The following NALCN variants were observed in gnomAD, a reference collection of about 807,000 sequenced individuals.
NALCN encodes sodium leak channel, non-selective, also known as sodium leak channel NALCN.
Under a neutral mutation model 225.3 loss-of-function variants are expected in NALCN, and 111 were observed. That is an observed-to-expected ratio of 0.49 (90% confidence interval 0.42 to 0.58). The LOEUF is 0.58. Ranked by LOEUF, NALCN falls within the 20% of genes least tolerant of loss-of-function variation. The probability of loss-of-function intolerance (pLI) is 0.00; values close to 1 mark genes in which losing one functional copy is unlikely to be tolerated. For synonymous variants in NALCN, 764 were observed against 769.0 expected (o/e 0.99, Z 0.11); for missense variants, 1,378 against 2,202.4 (o/e 0.63, Z 7.49).
intron 13 of NALCN, among the ~76,000 whole-genome samples, chr13:101,218,212 A>T (rs1456643597): frequency 6.6e-6 from 1 of 152,144 alleles, no homozygotes; most frequent in African/African-American, 2.4e-5. Context: ...GGAAGCCTGG[A>T]AATGTCACAT....
chr13:101,218,783 G>GT (rs1418413574), intron 13 of NALCN, among the ~76,000 whole-genome samples: 1 of 152,034 alleles, frequency 6.6e-6, no homozygotes, highest in Non-Finnish European at 1.5e-5. Flanking sequence ...TGCTGTGATT[G>GT]TAAGTTTCTT....
At chr13:101,071,421 TAG>T (rs955953291) in intron 37 of NALCN, among the ~76,000 whole-genome samples, 1 of 152,252 alleles carries the variant, frequency 6.6e-6, no homozygotes, top group Non-Finnish European at 1.5e-5. Context: ...CTAGATCTTC[TAG>T]ATAACTTGCC....
chr13:101,283,966 G>C lies in NALCN; in HGVS notation c.1101C>G (p.Asn367Lys). 6.2e-7 allele frequency: 1 copy of C among 1,613,720 alleles called. No homozygotes were observed. Among genetic ancestry groups the C allele is most frequent in the Non-Finnish European group, 8.5e-7 (1 of 1,179,898 alleles). The change falls in exon 10 of 44, where the codon AAC becomes AAG. Residue 367 changes from asparagine to lysine, a missense_variant. Asn to Lys is a moderately conservative substitution (Grantham distance 94). Transcript: ENST00000251127. ...AGGCTGGGGCGCGTCCCTGGGGCTT[G>C]TTGACATCCACAGCTACCAGCTGCC... ...GGWQLVAVDVNKPQGRAPACL... is the reference protein window; with the variant it reads ...GGWQLVAVDVKKPQGRAPACL...
chr13:101,278,600 C>T (rs2043042811), intron 10 of NALCN, among the ~76,000 whole-genome samples: 1 of 145,400 alleles, frequency 6.9e-6, no homozygotes, highest in Admixed American at 6.9e-5. Flanking sequence ...TATTTCTAAA[C>T]ATAAGACAAA....
At chr13:101,161,701 GTC>G (rs888098528) in intron 15 of NALCN, among the ~76,000 whole-genome samples, 1 of 152,086 alleles carries the variant, frequency 6.6e-6, no homozygotes, top group Non-Finnish European at 1.5e-5. Flanking sequence ...GTGAAACCCC[GTC>G]TCTTCTAAAA....
At chr13:101,319,596 T>TA (rs1341281035) in intron 7 of NALCN, among the ~76,000 whole-genome samples, 3 of 152,214 alleles carry the variant, frequency 2.0e-5, no homozygotes, top group African/African-American at 4.8e-5. Context: ...TTTTGGTACA[T>TA]ACGTTCCCAT....
intron 34 of NALCN, among the ~76,000 whole-genome samples, chr13:101,080,083 T>G (rs1467103302): frequency 6.6e-6 from 1 of 152,172 alleles, no homozygotes; most frequent in Non-Finnish European, 1.5e-5. Context: ...GCCTCAAATA[T>G]ATTATCTCAC....
chr13:101,152,067 T>A (rs1177207342), intron 15 of NALCN, among the ~76,000 whole-genome samples: 1 of 152,192 alleles, frequency 6.6e-6, no homozygotes, highest in African/African-American at 2.4e-5. Flanking sequence ...TTTACAAAAA[T>A]ATTTAATACA....
At position 101,135,193 on chromosome 13, in the gene NALCN, T is replaced by TCAAA. The variant is rs529602596; in HGVS notation, c.2118+7883_2118+7886dup. 1.7e-3 allele frequency among the ~76,000 whole-genome samples: 266 copies of TCAAA among 152,310 alleles called. 4 individuals are homozygous for TCAAA. The highest frequency in any genetic ancestry group is 8.7e-3 in the South Asian group (42 of 4,830). On this transcript the variant is annotated intron_variant, in intron 17 of 43. Transcript: ENST00000251127. ...CTGGGTGACAGAGCGAGACTCCGTC[T>TCAAA]CAAACAAACAAACAAACAAAACTAT...
At chr13:101,142,138 C>CTTTTTTTTTTTTTTTTTTT (rs33925974) in intron 17 of NALCN, among the ~76,000 whole-genome samples, 1 of 97,026 alleles carries the variant, frequency 1.0e-5, no homozygotes, top group Non-Finnish European at 1.9e-5. Flanking sequence ...CATTCTATGT[C>CTTTTTTTTTTTTTTTTTTT]TTTTTTTTTT....
At chr13:101,283,696 A>G (rs2139006667) in intron 10 of NALCN, among the ~76,000 whole-genome samples, 1 of 152,212 alleles carries the variant, frequency 6.6e-6, no homozygotes, top group South Asian at 2.1e-4. Flanking sequence ...TTGATTCAAT[A>G]CCACTGAAAT....
chr13:101,246,105 T>C (rs2041887497), intron 11 of NALCN, among the ~76,000 whole-genome samples: 1 of 152,158 alleles, frequency 6.6e-6, no homozygotes, highest in Non-Finnish European at 1.5e-5. Flanking sequence ...CTTTCTTTCC[T>C]TGCTTTGCTG....
chr13:101,154,250 A>T (rs2037795106), intron 15 of NALCN, among the ~76,000 whole-genome samples: 1 of 152,334 alleles, frequency 6.6e-6, no homozygotes, highest in Non-Finnish European at 1.5e-5. Flanking sequence ...CATAGCTAGA[A>T]GTGGCAGAAC....
intron 28 of NALCN, among the ~76,000 whole-genome samples, chr13:101,093,346 T>C (rs2034334101): frequency 6.6e-6 from 1 of 152,232 alleles, no homozygotes; most frequent in Admixed American, 6.5e-5. Context: ...TTAATCATAA[T>C]TTAGCCAATA....
intron 4 of NALCN, 152 bp from the exon 5 acceptor site, chr13:101,377,208 G>C: frequency 1.1e-6 from 1 of 942,278 alleles, no homozygotes; most frequent in Non-Finnish European, 1.6e-6. Flanking sequence ...TTTCTTTTGA[G>C]TATATTTTGA....
intron 34 of NALCN, among the ~76,000 whole-genome samples, chr13:101,080,879 T>C (rs74116998): frequency 0.016 from 2,439 of 152,086 alleles, 65 homozygotes; most frequent in African/African-American, 0.046. Flanking sequence ...TTTATTTTCA[T>C]TGGACAATAT....
rs1230150181 is a variant in NALCN, at chr13:101,399,041, T to C, written c.86A>G (p.Asp29Gly). 1.2e-6 allele frequency: 2 copies of C among 1,606,474 alleles called. No homozygotes were observed. Among genetic ancestry groups the C allele is most frequent in the African/African-American group, 1.3e-5 (1 of 74,758 alleles). The change falls in exon 2 of 44, where the codon GAC (aspartate) becomes GGC (glycine). Residue 29 changes from aspartate to glycine, a missense_variant. Asp to Gly is a moderately conservative substitution (Grantham distance 94). Transcript: ENST00000251127. Reference sequence around the variant, plus strand: ...TACTGGTTTGTTAATCCAGAGGATGTCAGCATTATCCGACAGAGACTCATC... The same window carrying C: ...TACTGGTTTGTTAATCCAGAGGATGCCAGCATTATCCGACAGAGACTCATC... ...GPDESLSDNA[D>G]ILWINKPWVH...
At chr13:101,409,657 A>C (rs1594797025) in intron 1 of NALCN, among the ~76,000 whole-genome samples, 1 of 152,338 alleles carries the variant, frequency 6.6e-6, no homozygotes, top group East Asian at 1.9e-4. Context: ...TTAGATAAAG[A>C]AGGTGGATGG....
intron 13 of NALCN, among the ~76,000 whole-genome samples, chr13:101,225,231 C>G (rs1352969894): frequency 6.6e-6 from 1 of 152,194 alleles, no homozygotes; most frequent in Non-Finnish European, 1.5e-5. Flanking sequence ...ATTTGCTTAT[C>G]TTCTTTCCCT....
Sources: gnomAD v4.1 joint callset for allele counts (sites outside exome capture counted in the v4.1 genomes callset) on GRCh38, gnomAD v4.1.1 for gene constraint, MANE v1.5 for transcripts, NCBI Gene and HGNC (gene_info 2026-07-23, HGNC 2026-07-21) for gene names.